The following LRFN5 variants were observed in gnomAD, a reference collection of about 807,000 sequenced individuals.
LRFN5 encodes leucine-rich repeat and fibronectin type-III domain-containing protein 5.
In LRFN5, 24 loss-of-function variants were observed where a neutral mutation model predicts 45.6. The ratio of observed to expected loss-of-function variants is 0.53; its 90% CI spans 0.38 to 0.74. The LOEUF is 0.74. Among genes scored for constraint, LRFN5 ranks in the 30% least tolerant of loss-of-function variants. The pLI, the probability that LRFN5 is intolerant of heterozygous loss-of-function variation, is 0.00. For synonymous variants in LRFN5, 340 were observed against 313.8 expected, an observed-to-expected ratio of 1.08 and a Z score of -0.88; for missense variants, 776 against 861.5, an observed-to-expected ratio of 0.90 and a Z score of 1.24.
At chr14:41,822,996 A>T (rs571891196) in intron 2 of LRFN5, among the ~76,000 whole-genome samples, 10 of 151,126 alleles carry the variant, frequency 6.6e-5, no homozygotes, top group Admixed American at 2.6e-4. Flanking sequence ...CATATGTATG[A>T]TATATTTTTT....
intron 1 of LRFN5, among the ~76,000 whole-genome samples, chr14:41,762,512 A>T: frequency 6.6e-6 from 1 of 152,068 alleles, no homozygotes; most frequent in East Asian, 1.9e-4. Flanking sequence ...TTACTTTTAA[A>T]GTAGGTTTAG....
chr14:41,863,183 G>C (rs553712225), intron 2 of LRFN5, among the ~76,000 whole-genome samples: 6 of 152,168 alleles, frequency 3.9e-5, no homozygotes, highest in African/African-American at 1.4e-4. Flanking sequence ...TTCTTAATCA[G>C]TCTTACTAGT....
At chr14:41,872,710 G>GCT (rs1890058253) in intron 2 of LRFN5, among the ~76,000 whole-genome samples, 1 of 152,142 alleles carries the variant, frequency 6.6e-6, no homozygotes, top group African/African-American at 2.4e-5. Flanking sequence ...TAAGCAGCCT[G>GCT]CTGTGAAGTT....
chr14:41,758,190 C>A (rs1173328703), intron 1 of LRFN5, among the ~76,000 whole-genome samples: 1 of 152,086 alleles, frequency 6.6e-6, no homozygotes, highest in Non-Finnish European at 1.5e-5. Context: ...TGTCTCTTGG[C>A]ATGTTTCACC....
chr14:41,631,043 C>T (rs1440240318), intron 1 of LRFN5, among the ~76,000 whole-genome samples: 1 of 152,046 alleles, frequency 6.6e-6, no homozygotes, highest in African/African-American at 2.4e-5. Context: ...GATAAATCTT[C>T]GTAAAATGCT....
At chr14:41,826,310 T>G (rs559909396) in intron 2 of LRFN5, among the ~76,000 whole-genome samples, 33 of 152,318 alleles carry the variant, frequency 2.2e-4, no homozygotes, top group Non-Finnish European at 4.3e-4. Context: ...TACCATACTT[T>G]CCTTACACAT....
At chr14:41,764,757 A>T (rs962896138) in intron 1 of LRFN5, among the ~76,000 whole-genome samples, 1 of 150,710 alleles carries the variant, frequency 6.6e-6, no homozygotes, top group Non-Finnish European at 1.5e-5. Context: ...TTATTTAGGA[A>T]TATATTGTGC....
At chr14:41,816,271 A>T (rs1346518530) in intron 2 of LRFN5, among the ~76,000 whole-genome samples, 1 of 152,000 alleles carries the variant, frequency 6.6e-6, no homozygotes, top group East Asian at 1.9e-4. Context: ...ATATATATGC[A>T]TAGATTATTG....
At chr14:41,647,675 T>C (rs1879882132) in intron 1 of LRFN5, among the ~76,000 whole-genome samples, 1 of 152,148 alleles carries the variant, frequency 6.6e-6, no homozygotes, top group South Asian at 2.1e-4. Context: ...GTGTTCAGGT[T>C]TGGGCATGTT....
At chr14:41,809,322 T>C (rs1887659044) in intron 2 of LRFN5, among the ~76,000 whole-genome samples, 1 of 152,072 alleles carries the variant, frequency 6.6e-6, no homozygotes, top group Non-Finnish European at 1.5e-5. Flanking sequence ...CAGTTTAAAA[T>C]AACATAATTG....
chr14:41,790,333 A>T (rs1422692108), intron 2 of LRFN5, among the ~76,000 whole-genome samples: 1 of 151,612 alleles, frequency 6.6e-6, no homozygotes, highest in Non-Finnish European at 1.5e-5. Flanking sequence ...TTTTTTTCTT[A>T]ATATTACCAG....
At chr14:41,759,437 T>TTCTC (rs142007567) in intron 1 of LRFN5, among the ~76,000 whole-genome samples, 4 of 145,700 alleles carry the variant, frequency 2.7e-5, no homozygotes, top group Non-Finnish European at 6.0e-5. Context: ...ATAAAGTATA[T>TTCTC]TCTCTCTCTC....
intron 1 of LRFN5, among the ~76,000 whole-genome samples, chr14:41,659,265 T>C (rs1038729453): frequency 2.0e-5 from 3 of 152,056 alleles, no homozygotes; most frequent in Admixed American, 1.3e-4. Flanking sequence ...TGTGTTCTCA[T>C]TGTTCAACTC....
intron 1 of LRFN5, among the ~76,000 whole-genome samples, chr14:41,698,597 T>C (rs1188188035): frequency 4.6e-5 from 7 of 152,134 alleles, no homozygotes; most frequent in African/African-American, 1.4e-4. Context: ...AAGGTTGAGA[T>C]CCAGTGCTGT....
chr14:41,722,099 G>C (rs1883741254), intron 1 of LRFN5, among the ~76,000 whole-genome samples: 1 of 151,426 alleles, frequency 6.6e-6, no homozygotes, highest in Non-Finnish European at 1.5e-5. Context: ...GTCTAATTTG[G>C]CTAGTTTGAA....
Position 41,739,056 on chromosome 14 carries a change from A to G in LRFN5, c.-196-27798A>G, listed in dbSNP as rs192290048. Among the ~76,000 whole-genome samples, 4 of 152,276 alleles carry G rather than the reference A, an allele frequency of 2.6e-5. No homozygotes were observed. The East Asian group carries it at 5.8e-4, about 22-fold the overall frequency. On this transcript the variant is annotated intron_variant, in intron 1 of 5. Coordinates refer to ENST00000298119, the MANE Select transcript of LRFN5 (RefSeq NM_152447.5). Reference sequence around the variant, plus strand: ...GAAGAATGAATTTATATTGAATATCATCTGTTGTGACTAAAATGGCAGGAA... The same window carrying G: ...GAAGAATGAATTTATATTGAATATCGTCTGTTGTGACTAAAATGGCAGGAA...
chr14:41,760,724 TAGAG>T (rs1366676818), intron 1 of LRFN5, among the ~76,000 whole-genome samples: 1 of 147,820 alleles, frequency 6.8e-6, no homozygotes, highest in African/African-American at 2.5e-5. Context: ...CAGGGAGGGA[TAGAG>T]AGAAGAAAGA....
chr14:41,624,582 A>G (rs996394316), intron 1 of LRFN5, among the ~76,000 whole-genome samples: 1 of 152,132 alleles, frequency 6.6e-6, no homozygotes, highest in Non-Finnish European at 1.5e-5. Context: ...TTTAATTGAG[A>G]TAACCCTAAG....
At chr14:41,630,000 T>C (rs76309835) in intron 1 of LRFN5, among the ~76,000 whole-genome samples, 2 of 152,250 alleles carry the variant, frequency 1.3e-5, no homozygotes, top group East Asian at 3.9e-4. Flanking sequence ...TCTTTGAGTA[T>C]GGGATATATT....
Sources: allele counts gnomAD v4.1 joint callset (sites outside exome capture counted in the v4.1 genomes callset), GRCh38; gene constraint gnomAD v4.1.1; transcripts MANE v1.5; gene names NCBI Gene and HGNC (gene_info 2026-07-23, HGNC 2026-07-21).